The following ZMIZ2 variants were observed in gnomAD, a reference collection of about 807,000 sequenced individuals.
ZMIZ2 encodes zinc finger MIZ domain-containing protein 2.
Under a neutral mutation model 93.9 loss-of-function variants are expected in ZMIZ2, and 26 were observed. The ratio of observed to expected loss-of-function variants is 0.28; its 90% CI spans 0.20 to 0.38. The LOEUF (loss-of-function observed/expected upper bound fraction) is 0.38. ZMIZ2 is among the 10% of genes least tolerant of loss of function. ZMIZ2 has a pLI of 1.00. For missense variants in ZMIZ2, 1,023 were observed against 1,235.0 expected (o/e 0.83, Z 2.57); for synonymous variants, 485 against 516.4 (o/e 0.94, Z 0.82).
Position 44,759,330 on chromosome 7 carries a change from C to T in ZMIZ2, c.863C>T (p.Thr288Ile). ...CAAGGAGGCCAGTATGCACCCAGCA[C>T]CGCCCAGTTTGCGCCCAGCCCTGGG... ...YLQGGQYAPS[T>I]AQFAPSPGQP... is the part of the protein sequence containing the mutation. Residue 288 changes from threonine (T) to isoleucine (I), a missense_variant, in exon 7 of 19, where the codon ACC becomes ATC. Thr to Ile is a moderately conservative substitution (Grantham distance 89, BLOSUM62 -1). Transcript: ENST00000309315. 1 of 1,602,828 alleles carries T rather than the reference C, an allele frequency of 6.2e-7. No homozygotes were observed. Among genetic ancestry groups the T allele is most frequent in the Non-Finnish European group, 8.5e-7 (1 of 1,175,016 alleles).
chr7:44,756,159 G>C, intron 1 of ZMIZ2, 29 bp from the exon 2 acceptor site: 1 of 1,588,252 alleles, frequency 6.3e-7, no homozygotes, highest in South Asian at 1.1e-5. Flanking sequence ...CTGCATCGCA[G>C]CTAACATCCC....
intron 1 of ZMIZ2, among the ~76,000 whole-genome samples, chr7:44,754,939 A>G (rs543246371): frequency 6.6e-6 from 1 of 152,226 alleles, no homozygotes; most frequent in East Asian, 1.9e-4. Context: ...GTCAGAACCC[A>G]GGGTAGTGCC....
Position 44,766,666 on chromosome 7 carries a change from G to A in ZMIZ2, c.2655+3G>A. On this transcript the variant is annotated splice_donor_region_variant and intron_variant, in intron 18 of 18. Transcript: ENST00000309315. This position sits in a 1 kb window ranked among gnomAD's most constrained non-coding sequence, Gnocchi z 4.4. Reference sequence around the variant, plus strand: ...AGGCCCCAGAACCAGCTCTGGACGTGAGTACCAGGCCCCATGCGGGGGAGT... The same window carrying A: ...AGGCCCCAGAACCAGCTCTGGACGTAAGTACCAGGCCCCATGCGGGGGAGT... 1 of 1,612,842 alleles carries A rather than the reference G, an allele frequency of 6.2e-7. No homozygotes were observed. Among genetic ancestry groups the A allele is most frequent in the Non-Finnish European group, 8.5e-7 (1 of 1,179,870 alleles).
rs1442720793 is a variant in ZMIZ2 at position 44,761,836 on chromosome 7, A to G, written c.1527A>G (p.Pro509=). 1.2e-6 allele frequency: 2 copies of G among 1,613,892 alleles called. No individual in the cohort carries two copies. The highest frequency in any genetic ancestry group is 8.5e-7 in the Non-Finnish European group (1 of 1,180,002). ...ERGDNKTSHK[P]LYLKHVCQPG... is the part of the protein sequence containing the mutation. ...GCGACAACAAGACCTCGCACAAGCC[A>G]CTCTACCTGAAGCATGTGTGCCAGC... Residue 509 remains proline, a synonymous_variant, in exon 11 of 19, where the codon CCA becomes CCG. Coordinates refer to ENST00000309315, the MANE Select transcript of ZMIZ2 (RefSeq NM_031449.4). This position sits in a 1 kb window ranked among gnomAD's most constrained non-coding sequence, Gnocchi z 5.8.
chr7:44,762,537 G>A (rs1366852732), intron 11 of ZMIZ2, among the ~76,000 whole-genome samples: 2 of 152,232 alleles, frequency 1.3e-5, no homozygotes, highest in African/African-American at 4.8e-5. Context: ...CAGCATCTGT[G>A]ACTGTGGATG....
Position 44,763,408 on chromosome 7 carries a change from A to C in ZMIZ2, c.1855A>C (p.Ile619Leu). 1 of 1,614,024 alleles carries C rather than the reference A, an allele frequency of 6.2e-7. No homozygotes were observed. The highest frequency in any genetic ancestry group is 8.5e-7 in the Non-Finnish European group (1 of 1,179,978). ...TGCCCGAGGTCATGACTGTCGCCAC[A>C]TACAGGTAGGTGGTTACTGCAGAGT... ...LPARGHDCRH[I>L]QCFDLESYLQ... The change falls in exon 13 of 19, where the codon ATA (isoleucine) becomes CTA (leucine). Residue 619 changes from isoleucine (I) to leucine (L), a missense_variant. This residue lies in a region of ZMIZ2 where 48 missense variants were observed against 99.1 expected (regional missense o/e 0.48). Transcript: ENST00000309315. The surrounding 1 kb of genome is among the most constrained non-coding windows in gnomAD (Gnocchi z 5.6).
chr7:44,763,629 T>C lies in ZMIZ2; in HGVS notation c.1860+216T>C, dbSNP rs1438461909. The C allele has an allele frequency of 1.6e-6, 1 of 611,834 alleles. No homozygotes were observed. The highest frequency in any genetic ancestry group is 2.7e-6 in the Non-Finnish European group (1 of 366,014). 37.9% of individuals were successfully genotyped at this position (611,834 alleles called of 1,614,324 possible). On this transcript the variant is annotated intron_variant, in intron 13 of 18. Coordinates refer to ENST00000309315, the MANE Select transcript of ZMIZ2 (RefSeq NM_031449.4). The surrounding 1 kb of genome is among the most constrained non-coding windows in gnomAD (Gnocchi z 5.6). ...ATATAATTGTCATTTTACTAACTTT[T>C]TTACTGCCTGCTTCATTCATGGGTT...
At chr7:44,750,322 C>T (rs778352849) in intron 1 of ZMIZ2, among the ~76,000 whole-genome samples, 21 of 152,196 alleles carry the variant, frequency 1.4e-4, no homozygotes, top group Non-Finnish European at 2.5e-4. Context: ...CTTAGCCCCA[C>T]GCTTAGACAT....
At chr7:44,756,725 A>T in intron 3 of ZMIZ2, 186 bp downstream of exon 3, 1 of 776,016 alleles carries the variant, frequency 1.3e-6, no homozygotes, top group Non-Finnish European at 2.0e-6. Flanking sequence ...TTCTCTTTCC[A>T]CACCTGCTGT....
upstream of ZMIZ2, chr7:44,748,625 C>A (rs1471867397): frequency 6.6e-6 from 1 of 152,264 alleles, no homozygotes; most frequent in South Asian, 1.9e-4. Flanking sequence ...ACGCCGCGTT[C>A]AGAAAGGTGT....
rs1413955509 is a variant in ZMIZ2 at position 44,766,320 on chromosome 7, G to A, written c.2399G>A (p.Cys800Tyr). The change falls in exon 17 of 19, where the codon TGC (cysteine) becomes TAC (tyrosine). Residue 800 changes from cysteine to tyrosine, a missense_variant. Transcript: ENST00000309315. The surrounding 1 kb of genome is among the most constrained non-coding windows in gnomAD (Gnocchi z 4.4). ...SLLTSEKSTACLPSQMAPAGH... is the reference protein window; with the variant it reads ...SLLTSEKSTAYLPSQMAPAGH... ...CTGACTTCAGAGAAGTCTACCGCCT[G>A]CCTCCCAAGCCAGGTCAGTGCCAAG... 2 of 1,595,434 alleles carry A rather than the reference G, an allele frequency of 1.3e-6. No individual in the cohort carries two copies. Among genetic ancestry groups the A allele is most frequent in the Non-Finnish European group, 1.7e-6 (2 of 1,171,346 alleles).
rs765314550 is a variant in ZMIZ2, at chr7:44,768,867, C to G, written c.*1244C>G. The G allele has an allele frequency of 2.6e-5, 4 of 152,288 alleles. No individual in the cohort carries two copies. The highest frequency in any genetic ancestry group is 5.9e-5 in the Non-Finnish European group (4 of 68,044). 9.4% of individuals were successfully genotyped at this position (152,288 alleles called of 1,614,324 possible). A position where few individuals can be genotyped will look rare whatever the true frequency, so the allele number is the denominator to read the frequency against. On this transcript the variant is annotated 3_prime_UTR_variant, in exon 19 of 19. Coordinates refer to ENST00000309315, the MANE Select transcript of ZMIZ2 (RefSeq NM_031449.4). ...GCTCTGGATGTTTCAAGCCAAGGCT[C>G]GGCTATTCCCGCCCCATAGTAAATT...
At chr7:44,753,274 TCA>T in intron 1 of ZMIZ2, among the ~76,000 whole-genome samples, 1 of 152,204 alleles carries the variant, frequency 6.6e-6, no homozygotes, top group Non-Finnish European at 1.5e-5. Context: ...AAATCATGGT[TCA>T]CTCTGTCATC....
Position 44,763,729 on chromosome 7 carries a change from T to G in ZMIZ2, c.1860+316T>G. 1 of 330,630 alleles carries G rather than the reference T, an allele frequency of 3.0e-6. No individual in the cohort carries two copies. Among genetic ancestry groups the G allele is most frequent in the Non-Finnish European group, 5.6e-6 (1 of 178,036 alleles). The allele number at this position is 330,630 out of a possible 1,614,324, so 20.5% of individuals were successfully genotyped here. ...CCCAAGGGTGACCATCGTTAGCATCTGTCTTTGCAGAAATACTCTGGGTAT... is the reference window on the plus strand; with the variant it reads ...CCCAAGGGTGACCATCGTTAGCATCGGTCTTTGCAGAAATACTCTGGGTAT... On this transcript the variant is annotated intron_variant, in intron 13 of 18. Coordinates refer to ENST00000309315, the MANE Select transcript of ZMIZ2 (RefSeq NM_031449.4). The surrounding 1 kb of genome is among the most constrained non-coding windows in gnomAD (Gnocchi z 5.6).
At position 44,765,687 on chromosome 7, in the gene ZMIZ2, C is replaced by T. The variant is rs1252669597; in HGVS notation, c.2242+108C>T. ...GAATGTGGCTATGCAGGTCACACAC[C>T]TAGGTTATCAGTGTTGCCACACAAA... On this transcript the variant is annotated intron_variant, in intron 16 of 18. Transcript: ENST00000309315. This position sits in a 1 kb window ranked among gnomAD's most constrained non-coding sequence, Gnocchi z 4.1. 3 of 1,461,438 alleles carry T rather than the reference C, an allele frequency of 2.1e-6. No homozygotes were observed. The African/African-American group carries it at 4.2e-5, about 20-fold the overall frequency. The allele number at this position is 1,461,438 out of a possible 1,614,324, so 90.5% of individuals were successfully genotyped here.
In ZMIZ2 at chr7:44,757,405, C is replaced by T. The variant is rs757466626; in HGVS notation, c.396C>T (p.Gly132=). The T allele has an allele frequency of 5.6e-6, 9 of 1,602,618 alleles. No individual in the cohort carries two copies. Among genetic ancestry groups the T allele is most frequent in the South Asian group, 1.1e-5 (1 of 91,032 alleles). The change falls in exon 5 of 19, where the codon GGC becomes GGT. Residue 132 remains glycine (G), a synonymous_variant. Coordinates refer to ENST00000309315, the MANE Select transcript of ZMIZ2 (RefSeq NM_031449.4). ...TGYAGGPGGL[G]LPSHAARPST... is the part of the protein sequence containing the mutation. Reference sequence around the variant, plus strand: ...ATGCAGGCGGCCCGGGGGGCCTGGGCCTCCCCTCACATGCTGCAAGACCCT... The same window carrying T: ...ATGCAGGCGGCCCGGGGGGCCTGGGTCTCCCCTCACATGCTGCAAGACCCT...
Position 44,757,894 on chromosome 7 carries a change from G to A in ZMIZ2, c.599G>A (p.Gly200Asp). The change falls in exon 6 of 19, where the codon GGT becomes GAT. Residue 200 changes from glycine to aspartate, a missense_variant. Gly to Asp is a moderately conservative substitution (Grantham distance 94). Coordinates refer to ENST00000309315, the MANE Select transcript of ZMIZ2 (RefSeq NM_031449.4). Reference sequence around the variant, plus strand: ...AACAGCCAGTTTCTGCAGCATGGAGGTCCCCGGGGGCCTAGTGTCCCCGCT... The same window carrying A: ...AACAGCCAGTTTCTGCAGCATGGAGATCCCCGGGGGCCTAGTGTCCCCGCT... ...SFNSQFLQHG[G>D]PRGPSVPAGM... 1 of 1,602,690 alleles carries A rather than the reference G, an allele frequency of 6.2e-7. No homozygotes were observed. The highest frequency in any genetic ancestry group is 8.5e-7 in the Non-Finnish European group (1 of 1,174,468).
In ZMIZ2 at chr7:44,766,446, C is replaced by G; in HGVS notation, c.2438C>G (p.Pro813Arg). ...SQMAPAGHLDPTHNPGTPGLH... is the reference protein window; with the variant it reads ...SQMAPAGHLDRTHNPGTPGLH... ...ATGGCACCAGCAGGTCACCTGGACC[C>G]CACTCACAATCCTGGGACACCAGGA... Residue 813 changes from proline (P) to arginine (R), a missense_variant, in exon 18 of 19, where the codon CCC (proline) becomes CGC (arginine). This residue lies in a region of ZMIZ2 where 319 missense variants were observed against 358.8 expected (regional missense o/e 0.89). Coordinates refer to ENST00000309315, the MANE Select transcript of ZMIZ2 (RefSeq NM_031449.4). This position sits in a 1 kb window ranked among gnomAD's most constrained non-coding sequence, Gnocchi z 4.4. 1 of 1,614,138 alleles carries G rather than the reference C, an allele frequency of 6.2e-7. No homozygotes were observed. The highest frequency in any genetic ancestry group is 2.2e-5 in the East Asian group (1 of 44,874).
At chr7:44,756,394 A>AC in intron 2 of ZMIZ2, 31 bp from the exon 3 acceptor site, 1 of 1,613,688 alleles carries the variant, frequency 6.2e-7, no homozygotes. Flanking sequence ...TGGCTTCCTG[A>AC]CCCAGGCCTC....
Sources: allele counts gnomAD v4.1 joint callset (sites outside exome capture counted in the v4.1 genomes callset), GRCh38; gene constraint gnomAD v4.1.1; regional missense constraint gnomAD v4.1.1; non-coding constraint Gnocchi (gnomAD v3.1); transcripts MANE v1.5; gene names NCBI Gene and HGNC (gene_info 2026-07-23, HGNC 2026-07-21).